HEATR4: variants seen among roughly 807,000 people sequenced by gnomAD.
HEATR4 encodes the protein HEAT repeat containing 4.
Under a neutral mutation model 108.8 loss-of-function variants are expected in HEATR4, and 95 were observed. The ratio of observed to expected loss-of-function variants is 0.87; its 90% CI spans 0.74 to 1.04. The LOEUF (loss-of-function observed/expected upper bound fraction) is 1.04, where lower values mean the gene tolerates loss of function less well. HEATR4 is among the 50% of genes least tolerant of loss of function. The probability of loss-of-function intolerance (pLI) is 0.00; values close to 1 mark genes in which losing one functional copy is unlikely to be tolerated. For synonymous variants in HEATR4, 443 were observed against 459.4 expected (o/e 0.96, Z 0.46); for missense variants, 1,152 against 1,253.8 (o/e 0.92, Z 1.23).
Position 73,522,655 on chromosome 14 carries a change from A to C in HEATR4, c.498T>G (p.His166Gln). The C allele has an allele frequency of 6.2e-7, 1 of 1,614,196 alleles. No individual in the cohort carries two copies. Among genetic ancestry groups the C allele is most frequent in the Non-Finnish European group, 8.5e-7 (1 of 1,180,028 alleles). The change falls in exon 3 of 18, where the codon CAT (histidine) becomes CAG (glutamine). Residue 166 changes from histidine to glutamine, a missense_variant. Transcript: ENST00000553558. ...TVREAPRPLIHHPCMHPDMLG... is the reference protein window; with the variant it reads ...TVREAPRPLIQHPCMHPDMLG... ...GCATATCTGGATGCATGCAGGGATG[A>C]TGGATGAGAGGGCGGGGTGCTTCCC... is the stretch of plus-strand genomic sequence containing the variant.
the HEATR4 span, chr14:73,616,890 C>T: frequency 1.7e-6 from 1 of 575,276 alleles, no homozygotes; most frequent in Non-Finnish European, 3.1e-6. Context: ...TGTTCTTTCT[C>T]TGCCAATCTC....
intron 17 of HEATR4, chr14:73,481,058 C>T (rs1399815929): frequency 6.6e-6 from 1 of 151,758 alleles, no homozygotes; most frequent in Non-Finnish European, 1.5e-5. Context: ...AGCTGTGAAG[C>T]CAGAAAAAGA....
chr14:73,607,749 AAGT>A, the HEATR4 span, among the ~76,000 whole-genome samples: 4 of 147,064 alleles, frequency 2.7e-5, no homozygotes, highest in East Asian at 8.2e-4. Flanking sequence ...TCAGCCTCCC[AAGT>A]AGCTGGGATT....
the HEATR4 span, among the ~76,000 whole-genome samples, chr14:73,570,705 G>A: frequency 9.2e-5 from 14 of 152,098 alleles, no homozygotes; most frequent in African/African-American, 3.4e-4. Flanking sequence ...AGGAGTTCGA[G>A]ACCAGCCTGG....
Position 73,506,492 on chromosome 14 carries a change from G to A in HEATR4, c.1961C>T (p.Ser654Phe), listed in dbSNP as rs1886835337. The part of the protein sequence containing the change: ...KNRIVACQAF[S>F]RISGNVCLDM... ...CAAGCAGACATTTCCACTGATCCGG[G>A]AGAAAGCCTGGCAGGCCACAATCCG... Residue 654 changes from serine to phenylalanine, a missense_variant, in exon 10 of 18, where the codon TCC becomes TTC. Transcript: ENST00000553558. 1.2e-6 allele frequency: 2 copies of A among 1,613,586 alleles called. No homozygotes were observed. The highest frequency in any genetic ancestry group is 1.7e-5 in the Admixed American group (1 of 59,986).
At chr14:73,575,578 G>T in the HEATR4 span, 1 of 1,552,186 alleles carries the variant, frequency 6.4e-7, no homozygotes, top group South Asian at 1.2e-5. Flanking sequence ...CACATTTAGT[G>T]TGTGTATGTG....
rs1257050867 is a variant in HEATR4, at chr14:73,506,468, A to T, written c.1985T>A (p.Leu662Ter). 4 of 1,612,458 alleles carry T rather than the reference A, an allele frequency of 2.5e-6. No individual in the cohort carries two copies. The Admixed American group carries it at 6.7e-5, about 27-fold the overall frequency. The change falls in exon 10 of 18, where the codon TTG (leucine) becomes TAG (stop). Residue 662 changes from leucine (L) to a stop codon, truncating the protein, a stop_gained and splice_region_variant. Coordinates refer to ENST00000553558, the MANE Select transcript of HEATR4 (RefSeq NM_001220484.1). LOFTEE classifies it high-confidence loss of function. ...AFSRISGNVC[L>*]DMKHKLIQLM... ...CTGGAGGCAAAGAAAGAGGTTTACC[A>T]AGCAGACATTTCCACTGATCCGGGA...
rs776729195 is a variant in HEATR4, at chr14:73,508,310, GAA to G, written c.1721-18_1721-17del. 1.9e-6 allele frequency: 3 copies of G among 1,611,840 alleles called. No individual in the cohort carries two copies. The highest frequency in any genetic ancestry group is 2.5e-6 in the Non-Finnish European group (3 of 1,179,338). Reference sequence around the variant, plus strand: ...ACACTGTTACCTGCCACAGTTGGGTGAAAAAGAGTTCAGAATGGTGATGTGTT... The same window carrying G: ...ACACTGTTACCTGCCACAGTTGGGTGAAAGAGTTCAGAATGGTGATGTGTT... On this transcript the variant is annotated splice_polypyrimidine_tract_variant and intron_variant, in intron 8 of 17. Coordinates refer to ENST00000553558, the MANE Select transcript of HEATR4 (RefSeq NM_001220484.1).
At chr14:73,618,001 G>C in the HEATR4 span, among the ~76,000 whole-genome samples, 1 of 151,822 alleles carries the variant, frequency 6.6e-6, no homozygotes, top group African/African-American at 2.4e-5. Flanking sequence ...AAATTAGCTG[G>C]GCATGGTGGT....
chr14:73,524,310 A>AAAAATATATATATAT, intron 2 of HEATR4, among the ~76,000 whole-genome samples: 1 of 54,772 alleles, frequency 1.8e-5, no homozygotes, highest in East Asian at 4.5e-4. Flanking sequence ...AAAAAAAAAA[A>AAAAATATATATATAT]ATATATATAT....
the HEATR4 span, among the ~76,000 whole-genome samples, chr14:73,624,592 A>G: frequency 6.6e-6 from 1 of 152,136 alleles, no homozygotes; most frequent in Non-Finnish European, 1.5e-5. Context: ...GGTGACAGAG[A>G]AAGACTGCTC....
At chr14:73,488,120 G>A (rs559886337) in intron 17 of HEATR4, among the ~76,000 whole-genome samples, 45 of 152,194 alleles carry the variant, frequency 3.0e-4, no homozygotes, top group African/African-American at 1.0e-3. Flanking sequence ...TTGGCATGGG[G>A]GCTGATAAGG....
At chr14:73,547,657 G>T (rs1889254702) in intron 1 of HEATR4, among the ~76,000 whole-genome samples, 1 of 115,344 alleles carries the variant, frequency 8.7e-6, no homozygotes, top group African/African-American at 2.8e-5. Flanking sequence ...GGCCAAGGTG[G>T]GTGGATCACT....
chr14:73,590,325 C>T, the HEATR4 span, among the ~76,000 whole-genome samples: 1 of 152,224 alleles, frequency 6.6e-6, no homozygotes, highest in Admixed American at 6.5e-5. Context: ...CTGAGCTAGA[C>T]ACAGGGTGCT....
chr14:73,523,509 A>G (rs1482650640), intron 2 of HEATR4, among the ~76,000 whole-genome samples: 1 of 152,168 alleles, frequency 6.6e-6, no homozygotes, highest in Non-Finnish European at 1.5e-5. Context: ...TTGTCTTTAA[A>G]TGTTGCTTTC....
chr14:73,612,787 C>A, the HEATR4 span: 1 of 1,363,898 alleles, frequency 7.3e-7, no homozygotes. Context: ...GAGGCAGCTT[C>A]GCGGGGCTCC....
At chr14:73,525,311 G>T (rs373282574) in intron 2 of HEATR4, among the ~76,000 whole-genome samples, 1 of 152,150 alleles carries the variant, frequency 6.6e-6, no homozygotes, top group African/African-American at 2.4e-5. Context: ...GGGATTACAG[G>T]TGTGAGCTAC....
At position 73,478,517 on chromosome 14, in the gene HEATR4, G is replaced by T; in HGVS notation, c.*89C>A. The T allele has an allele frequency of 1.2e-6, 1 of 814,096 alleles. No homozygotes were observed. The highest frequency in any genetic ancestry group is 2.0e-6 in the Non-Finnish European group (1 of 490,880). 50.4% of individuals were successfully genotyped at this position (814,096 alleles called of 1,614,324 possible). ...AATAATTTCTCTTTATAAACATAGT[G>T]ACAACAAGATTGTACAGTATCAATT... On this transcript the variant is annotated 3_prime_UTR_variant, in exon 18 of 18. Transcript: ENST00000553558.
Position 73,492,714 on chromosome 14 carries a change from TTCTC to T in HEATR4, c.2844+348_2844+351del, listed in dbSNP as rs762945872. 2 of 1,613,980 alleles carry T rather than the reference TTCTC, an allele frequency of 1.2e-6. No individual in the cohort carries two copies. On this transcript the variant is annotated intron_variant, in intron 17 of 17. Transcript: ENST00000553558. The surrounding 1 kb of genome is among the most constrained non-coding windows in gnomAD (Gnocchi z 4.9). Reference sequence around the variant, plus strand: ...CTGGTGGGTGAGGGGGGCCATTTGTTTCTCTATTACACAGTGGAAAACTCCCGTG... The same window carrying T: ...CTGGTGGGTGAGGGGGGCCATTTGTTTATTACACAGTGGAAAACTCCCGTG...
Sources: allele counts gnomAD v4.1 joint callset (sites outside exome capture counted in the v4.1 genomes callset), GRCh38; gene constraint gnomAD v4.1.1; non-coding constraint Gnocchi (gnomAD v3.1); transcripts MANE v1.5; gene names NCBI Gene and HGNC (gene_info 2026-07-23, HGNC 2026-07-21).